Variants in GALNT13 observed in about 807,000 individuals in gnomAD.
GALNT13 encodes UDP-GalNAc:polypeptide N-acetylgalactosaminyltransferase 13.
Under a neutral mutation model 64.2 loss-of-function variants are expected in GALNT13, and 28 were observed. That is an observed-to-expected ratio of 0.44 (90% CI 0.32 to 0.60). GALNT13 has a LOEUF of 0.60. Ranked by LOEUF, GALNT13 falls within the 20% of genes least tolerant of loss-of-function variation. The pLI is 0.05. For missense variants in GALNT13, 577 were observed against 669.8 expected (o/e 0.86, Z 1.53); for synonymous variants, 214 against 224.6 (o/e 0.95, Z 0.42).
intron 2 of GALNT13, among the ~76,000 whole-genome samples, chr2:153,908,506 G>A (rs1403883116): frequency 6.6e-6 from 1 of 152,088 alleles, no homozygotes; most frequent in African/African-American, 2.4e-5. Flanking sequence ...TTGTCTTCCA[G>A]AGTTTTTATA....
chr2:153,478,526 G>A, the GALNT13 span: 3 of 1,603,630 alleles, frequency 1.9e-6, no homozygotes, highest in African/African-American at 2.7e-5. Context: ...GCCAGGAACA[G>A]GCCCGCCACG....
chr2:154,316,788 G>GC (rs1694343483), intron 9 of GALNT13, among the ~76,000 whole-genome samples: 3 of 152,142 alleles, frequency 2.0e-5, no homozygotes, highest in Admixed American at 2.0e-4. Flanking sequence ...CCTCCCAAAG[G>GC]CCCCCCTCCA....
At chr2:153,557,004 C>G in the GALNT13 span, among the ~76,000 whole-genome samples, 1 of 152,132 alleles carries the variant, frequency 6.6e-6, no homozygotes. Context: ...ATCTAGTTTA[C>G]TTTGAATGTT....
At chr2:154,152,069 C>A (rs531559461) in intron 4 of GALNT13, among the ~76,000 whole-genome samples, 3 of 152,110 alleles carry the variant, frequency 2.0e-5, no homozygotes, top group Non-Finnish European at 4.4e-5. Flanking sequence ...TGGCTGGTAC[C>A]GGTTGTTCCT....
At chr2:153,610,385 A>G in the GALNT13 span, among the ~76,000 whole-genome samples, 2 of 152,190 alleles carry the variant, frequency 1.3e-5, no homozygotes, top group African/African-American at 4.8e-5. Flanking sequence ...ATTAAAATAA[A>G]CAGATTGGGC....
the GALNT13 span, among the ~76,000 whole-genome samples, chr2:153,251,033 T>A: frequency 6.6e-6 from 1 of 151,952 alleles, no homozygotes; most frequent in South Asian, 2.1e-4. Context: ...TCCCAACACT[T>A]AAAGTAAAAT....
chr2:153,528,392 A>T, the GALNT13 span, among the ~76,000 whole-genome samples: 3,201 of 152,168 alleles, frequency 0.021, 115 homozygotes, highest in African/African-American at 0.073. Context: ...AAATTTTAGT[A>T]TATATGCACT....
At chr2:153,362,343 G>A in the GALNT13 span, among the ~76,000 whole-genome samples, 7 of 151,912 alleles carry the variant, frequency 4.6e-5, no homozygotes, top group African/African-American at 1.7e-4. Flanking sequence ...TAACCAGCTA[G>A]CATCATGATG....
chr2:153,430,025 G>T, the GALNT13 span, among the ~76,000 whole-genome samples: 5 of 152,232 alleles, frequency 3.3e-5, no homozygotes, highest in East Asian at 9.6e-4. Context: ...CATTTAGACT[G>T]CAAATGGGAA....
At chr2:153,751,210 CT>C in the GALNT13 span, among the ~76,000 whole-genome samples, 1 of 151,842 alleles carries the variant, frequency 6.6e-6, no homozygotes, top group Non-Finnish European at 1.5e-5. Context: ...TGTTTTAAGA[CT>C]TCTTTTGTGA....
At chr2:153,478,134 C>A in the GALNT13 span, 2 of 863,550 alleles carry the variant, frequency 2.3e-6, no homozygotes, top group Non-Finnish European at 3.5e-6. Flanking sequence ...AAATAATTGA[C>A]TCCGACAGGT....
At chr2:153,402,517 G>A in the GALNT13 span, among the ~76,000 whole-genome samples, 2 of 152,164 alleles carry the variant, frequency 1.3e-5, no homozygotes, top group East Asian at 1.9e-4. Context: ...ATATCCTGCA[G>A]CGTGTTTTCC....
chr2:153,129,379 G>C, the GALNT13 span, among the ~76,000 whole-genome samples: 1 of 152,104 alleles, frequency 6.6e-6, no homozygotes, highest in African/African-American at 2.4e-5. Context: ...ATGATTTCTA[G>C]AAACAATTCA....
the GALNT13 span, among the ~76,000 whole-genome samples, chr2:153,721,857 C>G: frequency 3.2e-4 from 48 of 151,472 alleles, no homozygotes; most frequent in Admixed American, 1.0e-3. Flanking sequence ...CAATAATAAT[C>G]GGAGACTTTA....
chr2:154,250,330 C>T (rs1380644527), intron 7 of GALNT13, among the ~76,000 whole-genome samples: 1 of 151,980 alleles, frequency 6.6e-6, no homozygotes, highest in South Asian at 2.1e-4. Context: ...TTCAATTTCT[C>T]TACAATGTAA....
At chr2:154,225,998 A>G (rs1479978424) in intron 4 of GALNT13, among the ~76,000 whole-genome samples, 1 of 152,078 alleles carries the variant, frequency 6.6e-6, no homozygotes, top group Non-Finnish European at 1.5e-5. Flanking sequence ...TTTTTACACA[A>G]AAAGTTAAAG....
intron 4 of GALNT13, among the ~76,000 whole-genome samples, chr2:154,146,669 T>A (rs1683620289): frequency 6.6e-6 from 1 of 151,952 alleles, no homozygotes; most frequent in Admixed American, 6.6e-5. Context: ...TATAAAAGCA[T>A]CCCCCACTCT....
At chr2:153,092,509 A>T in the GALNT13 span, among the ~76,000 whole-genome samples, 1 of 152,028 alleles carries the variant, frequency 6.6e-6, no homozygotes, top group Non-Finnish European at 1.5e-5. Context: ...GTCCTCTTCA[A>T]TTTCTTTCAT....
intron 3 of GALNT13, among the ~76,000 whole-genome samples, chr2:154,126,308 C>A (rs1167454168): frequency 6.6e-6 from 1 of 152,026 alleles, no homozygotes; most frequent in Non-Finnish European, 1.5e-5. Context: ...TGGTGCCAAA[C>A]AATTCTATAT....
Sources: allele counts gnomAD v4.1 joint callset (sites outside exome capture counted in the v4.1 genomes callset), GRCh38; gene constraint gnomAD v4.1.1; transcripts MANE v1.5; gene names NCBI Gene and HGNC (gene_info 2026-07-23, HGNC 2026-07-21).